Variants in RAB3GAP1 observed in about 807,000 individuals in gnomAD.
RAB3GAP1 encodes RAB3 GTPase activating protein catalytic subunit 1, also known as rab3 GTPase-activating protein catalytic subunit.
RAB3GAP1 carries 86 observed loss-of-function variants against 130.7 expected under a neutral mutation model. The observed-to-expected ratio is 0.66, with a 90% CI of 0.55 to 0.79. The LOEUF (loss-of-function observed/expected upper bound fraction) is 0.79. Among genes scored for constraint, RAB3GAP1 ranks in the 30% least tolerant of loss-of-function variants. The pLI is 0.00. For synonymous variants in RAB3GAP1, 367 were observed against 401.7 expected, an observed-to-expected ratio of 0.91 and a Z score of 1.03; for missense variants, 1,029 against 1,169.4, an observed-to-expected ratio of 0.88 and a Z score of 1.75.
chr2:135,056,709 T>C (rs1162984635), intron 2 of RAB3GAP1, among the ~76,000 whole-genome samples: 3 of 152,186 alleles, frequency 2.0e-5, no homozygotes, highest in Non-Finnish European at 2.9e-5. Flanking sequence ...TGTAAACTTG[T>C]TTCTAGAGCA....
chr2:135,131,599 A>G (rs1434949610), intron 13 of RAB3GAP1, among the ~76,000 whole-genome samples: 2 of 152,134 alleles, frequency 1.3e-5, no homozygotes, highest in Non-Finnish European at 2.9e-5. Flanking sequence ...AATGAGAGGG[A>G]GATGAATAGA....
At chr2:135,175,433 C>G (rs572734480), downstream of RAB3GAP1, 3 of 152,184 alleles carry the variant, frequency 2.0e-5, no homozygotes, top group African/African-American at 7.2e-5. Context: ...CTGGCAGGAA[C>G]CCAGCAAGGA....
intron 2 of RAB3GAP1, among the ~76,000 whole-genome samples, chr2:135,055,288 A>G (rs909429149): frequency 6.6e-6 from 1 of 152,310 alleles, no homozygotes; most frequent in East Asian, 1.9e-4. Flanking sequence ...GGAAAAAATT[A>G]CTTAGTTTTT....
At chr2:135,158,790 C>T (rs1692385777) in intron 19 of RAB3GAP1, among the ~76,000 whole-genome samples, 1 of 152,098 alleles carries the variant, frequency 6.6e-6, no homozygotes, top group African/African-American at 2.4e-5. Context: ...AAATTAACAT[C>T]ACCAATGAGG....
rs116745444 is a variant in RAB3GAP1, at chr2:135,055,201, A to G, written c.74+2716A>G. Among the ~76,000 whole-genome samples, 1,055 of 152,320 alleles carry G rather than the reference A, an allele frequency of 6.9e-3. 11 individuals are homozygous for G. The highest frequency in any genetic ancestry group is 0.024 in the African/African-American group (988 of 41,572). On this transcript the variant is annotated intron_variant, in intron 2 of 23. Coordinates refer to ENST00000264158, the MANE Select transcript of RAB3GAP1 (RefSeq NM_012233.3). ...TAGAAAGGGAAAGAAACCTGGTCTTATAAGAGCCTATAACAGAGGGACCTA... is the reference window on the plus strand; with the variant it reads ...TAGAAAGGGAAAGAAACCTGGTCTTGTAAGAGCCTATAACAGAGGGACCTA...
At chr2:135,168,044 A>G (rs1692711181) in intron 23 of RAB3GAP1, among the ~76,000 whole-genome samples, 3 of 152,200 alleles carry the variant, frequency 2.0e-5, no homozygotes, top group Admixed American at 2.0e-4. Context: ...TCACTTCGGC[A>G]TCACATTAGC....
intron 8 of RAB3GAP1, among the ~76,000 whole-genome samples, chr2:135,123,172 C>T (rs891391241): frequency 1.3e-5 from 2 of 152,146 alleles, no homozygotes; most frequent in Admixed American, 1.3e-4. Context: ...CCACGAGTTG[C>T]TTCTCCCTTT....
At chr2:135,128,279 C>G (rs567996565) in intron 11 of RAB3GAP1, among the ~76,000 whole-genome samples, 25 of 152,282 alleles carry the variant, frequency 1.6e-4, no homozygotes, top group African/African-American at 4.8e-4. Context: ...GGACAGACCT[C>G]AGTTCAAATC....
intron 7 of RAB3GAP1, among the ~76,000 whole-genome samples, chr2:135,117,546 T>TCTG (rs1691028197): frequency 2.9e-5 from 3 of 103,892 alleles, no homozygotes; most frequent in African/African-American, 1.3e-4. Flanking sequence ...TTCTTCTGCT[T>TCTG]CTTCTTCTTC....
chr2:135,078,820 C>T (rs529654206), intron 3 of RAB3GAP1, among the ~76,000 whole-genome samples: 2 of 151,444 alleles, frequency 1.3e-5, no homozygotes, highest in East Asian at 2.0e-4. Context: ...GCTGGGACCA[C>T]GGGCATGTGC....
chr2:135,078,898 C>T (rs912578575), intron 3 of RAB3GAP1, among the ~76,000 whole-genome samples: 3 of 151,946 alleles, frequency 2.0e-5, no homozygotes, highest in African/African-American at 4.8e-5. Context: ...GACGGAGTCT[C>T]GCTCTGTCGC....
chr2:135,136,840 A>G, intron 17 of RAB3GAP1: 2 of 456,164 alleles, frequency 4.4e-6, no homozygotes, highest in Non-Finnish European at 6.8e-6. Flanking sequence ...CAAGCCTGCA[A>G]GCCCCACACC....
At chr2:135,117,672 TCTTCTGCTTCTG>T (rs1221133075) in intron 7 of RAB3GAP1, among the ~76,000 whole-genome samples, 3 of 138,026 alleles carry the variant, frequency 2.2e-5, no homozygotes, top group Admixed American at 7.3e-5. Context: ...TGCTTCTGCT[TCTTCTGCTTCTG>T]CTTCTTCTTC....
In RAB3GAP1 at chr2:135,126,266, T is replaced by TAGTA. The variant is rs1691345748; in HGVS notation, c.899+18_899+21dup. 1 of 1,590,748 alleles carries TAGTA rather than the reference T, an allele frequency of 6.3e-7. No homozygotes were observed. The highest frequency in any genetic ancestry group is 1.7e-5 in the Admixed American group (1 of 59,812). On this transcript the variant is annotated intron_variant, in intron 10 of 23. Coordinates refer to ENST00000264158, the MANE Select transcript of RAB3GAP1 (RefSeq NM_012233.3). The stretch of plus-strand genomic sequence containing the variant: ...TGTTTATTCGTAAGTATGTTAAGAG[T>TAGTA]AGTAGTACACTGAGATTAAAAAACT...
intron 19 of RAB3GAP1, among the ~76,000 whole-genome samples, chr2:135,161,136 T>C (rs1480101972): frequency 6.6e-6 from 1 of 152,244 alleles, no homozygotes; most frequent in African/African-American, 2.4e-5. Flanking sequence ...AATGTAAATC[T>C]GTTGAAACAC....
At chr2:135,079,845 G>A (rs1370199024) in intron 3 of RAB3GAP1, among the ~76,000 whole-genome samples, 1 of 152,152 alleles carries the variant, frequency 6.6e-6, no homozygotes, top group Non-Finnish European at 1.5e-5. Context: ...ATAAAATGAG[G>A]TTGGCTGGGC....
At chr2:135,109,164 T>G (rs1690719378) in intron 5 of RAB3GAP1, among the ~76,000 whole-genome samples, 1 of 152,108 alleles carries the variant, frequency 6.6e-6, no homozygotes, top group South Asian at 2.1e-4. Context: ...GAGTCTTTTT[T>G]TGCTTCTGCT....
At chr2:135,103,385 G>A (rs1690508426) in intron 5 of RAB3GAP1, among the ~76,000 whole-genome samples, 1 of 152,038 alleles carries the variant, frequency 6.6e-6, no homozygotes, top group Non-Finnish European at 1.5e-5. Flanking sequence ...AGAGATACAT[G>A]TAAAAGAACC....
intron 23 of RAB3GAP1, among the ~76,000 whole-genome samples, chr2:135,166,086 C>G (rs1346392854): frequency 1.3e-5 from 2 of 151,430 alleles, no homozygotes; most frequent in African/African-American, 4.9e-5. Context: ...GCAGGAGAAT[C>G]ACTTGAACCC....
Sources: allele counts gnomAD v4.1 joint callset (sites outside exome capture counted in the v4.1 genomes callset), GRCh38; gene constraint gnomAD v4.1.1; transcripts MANE v1.5; gene names NCBI Gene and HGNC (gene_info 2026-07-23, HGNC 2026-07-21).